NAA16: variants seen among roughly 807,000 people sequenced by gnomAD.
NAA16 encodes N-alpha-acetyltransferase 16, NatA auxiliary subunit, also known as NARG1-like protein.
Under a neutral mutation model 110.3 loss-of-function variants are expected in NAA16, and 97 were observed. The observed-to-expected ratio is 0.88, with a 90% CI of 0.75 to 1.04. NAA16 has a LOEUF of 1.04. Ranked by LOEUF, NAA16 falls within the 50% of genes least tolerant of loss-of-function variation. The pLI is 0.00. For synonymous variants in NAA16, 372 were observed against 330.6 expected (o/e 1.13, Z -1.36); for missense variants, 1,017 against 1,005.1 (o/e 1.01, Z -0.16).
intron 8 of NAA16, among the ~76,000 whole-genome samples, chr13:41,334,395 G>A (rs1463610655): frequency 6.6e-6 from 1 of 152,096 alleles, no homozygotes; most frequent in Non-Finnish European, 1.5e-5. Flanking sequence ...GAGAGGGAAG[G>A]AAATAATCCA....
intron 8 of NAA16, among the ~76,000 whole-genome samples, chr13:41,332,388 G>A (rs1294752999): frequency 6.6e-6 from 1 of 152,074 alleles, no homozygotes; most frequent in African/African-American, 2.4e-5. Flanking sequence ...ATAAATAGGA[G>A]TACTCCGGTA....
intron 8 of NAA16, among the ~76,000 whole-genome samples, chr13:41,332,947 T>A (rs992617873): frequency 6.6e-6 from 1 of 152,166 alleles, no homozygotes; most frequent in Non-Finnish European, 1.5e-5. Flanking sequence ...GTTTTGTTTT[T>A]GTAGAATACA....
chr13:41,350,394 C>T (rs1344500309), intron 9 of NAA16, among the ~76,000 whole-genome samples: 1 of 151,306 alleles, frequency 6.6e-6, no homozygotes, highest in Non-Finnish European at 1.5e-5. Context: ...CCCGGGTTCA[C>T]GCCATTCTCC....
chr13:41,325,894 A>C (rs1315797449), intron 6 of NAA16, 43 bp downstream of exon 6: 2 of 1,490,846 alleles, frequency 1.3e-6, no homozygotes, highest in Non-Finnish European at 9.1e-7. Flanking sequence ...AACAGAAAAC[A>C]AAAAAACTAT....
intron 13 of NAA16, 151 bp from the exon 14 acceptor site, chr13:41,367,288 A>C (rs377075265): frequency 3.4e-5 from 17 of 493,304 alleles, no homozygotes; most frequent in African/African-American, 3.2e-4. Context: ...AATAATTCAT[A>C]TCCTTTATAG....
intron 5 of NAA16, among the ~76,000 whole-genome samples, chr13:41,324,363 C>CTTTT (rs71086562): frequency 2.6e-3 from 175 of 66,110 alleles, no homozygotes; most frequent in Non-Finnish European, 3.2e-3. Context: ...TTCTTTCTTT[C>CTTTT]TTTTTTTTTT....
chr13:41,367,530 T>C lies in NAA16; in HGVS notation c.1631T>C (p.Leu544Ser). 3 of 1,613,370 alleles carry C rather than the reference T, an allele frequency of 1.9e-6. No homozygotes were observed. The highest frequency in any genetic ancestry group is 2.5e-6 in the Non-Finnish European group (3 of 1,179,614). Residue 544 changes from leucine to serine, a missense_variant, in exon 14 of 20, where the codon TTA becomes TCA. Physicochemically the swap from Leu to Ser is moderately radical, Grantham distance 145. Transcript: ENST00000379406. ...TLRAYVDLLR[L>S]EDILRRHAFY... ...CGTGCCTATGTTGACCTTTTGAGATTAGAAGATATACTCAGAAGACATGCC... is the reference window on the plus strand; with the variant it reads ...CGTGCCTATGTTGACCTTTTGAGATCAGAAGATATACTCAGAAGACATGCC...
At chr13:41,369,961 G>A (rs1399175357) in intron 15 of NAA16, among the ~76,000 whole-genome samples, 2 of 152,158 alleles carry the variant, frequency 1.3e-5, no homozygotes, top group Non-Finnish European at 2.9e-5. Context: ...ATTTGTTACA[G>A]CAGCAATACA....
At chr13:41,327,648 T>C (rs2042128038) in intron 6 of NAA16, among the ~76,000 whole-genome samples, 1 of 151,954 alleles carries the variant, frequency 6.6e-6, no homozygotes, top group African/African-American at 2.4e-5. Context: ...CAGATGTTTT[T>C]TGAAATGAAA....
At chr13:41,315,876 C>T (rs369187340) in intron 1 of NAA16, among the ~76,000 whole-genome samples, 1 of 150,930 alleles carries the variant, frequency 6.6e-6, no homozygotes, top group East Asian at 2.0e-4. Context: ...CTCAAGTGAT[C>T]CTCCCACCTC....
chr13:41,345,156 G>A (rs944878818), intron 9 of NAA16, among the ~76,000 whole-genome samples: 1 of 152,174 alleles, frequency 6.6e-6, no homozygotes, highest in Non-Finnish European at 1.5e-5. Flanking sequence ...GAACTTTGGT[G>A]TACAAGTTTT....
intron 15 of NAA16, among the ~76,000 whole-genome samples, chr13:41,370,868 G>A (rs2139516496): frequency 6.6e-6 from 1 of 152,268 alleles, no homozygotes; most frequent in East Asian, 1.9e-4. Flanking sequence ...GAGAACCCCA[G>A]TAGAACATTA....
chr13:41,347,084 CAGGCATCTACACTCCCAGCTGCTCGGG>C (rs2042701167), intron 9 of NAA16, among the ~76,000 whole-genome samples: 1 of 151,926 alleles, frequency 6.6e-6, no homozygotes, highest in Non-Finnish European at 1.5e-5. Context: ...GGCGTGGTGG[CAGGCATCTACACTCCCAGCTGCTCGGG>C]AGGCTGAGGC....
intron 4 of NAA16, among the ~76,000 whole-genome samples, chr13:41,322,242 G>C (rs545697290): frequency 6.6e-6 from 1 of 152,130 alleles, no homozygotes; most frequent in East Asian, 1.9e-4. Flanking sequence ...AGCTGGTGGT[G>C]AAAGTGTGAA....
At position 41,325,737 on chromosome 13, in the gene NAA16, ATAT is replaced by A. The variant is rs764624610; in HGVS notation, c.581_583del (p.Leu194del). The A allele has an allele frequency of 2.5e-6, 4 of 1,599,150 alleles. No homozygotes were observed. The highest frequency in any genetic ancestry group is 2.2e-5 in the East Asian group (1 of 44,580). ...AATAGATTATGAATATAGTGAATTGATATTATACCAGAATCAAGTGATGAGAGA... is the reference window on the plus strand; with the variant it reads ...AATAGATTATGAATATAGTGAATTGATATACCAGAATCAAGTGATGAGAGA... On this transcript the variant is annotated inframe_deletion, in exon 6 of 20. Transcript: ENST00000379406.
chr13:41,365,713 C>T lies in NAA16; in HGVS notation c.1540-1726C>T, dbSNP rs73475130. 3.9e-4 allele frequency among the ~76,000 whole-genome samples: 60 copies of T among 152,214 alleles called. 1 individual carries two copies. Among genetic ancestry groups the T allele is most frequent in the African/African-American group, 1.4e-3 (60 of 41,540 alleles). ...CTGGCAAACTAGGATAAGTTGGTCA[C>T]CCAATTTATGGAAGACATTAACTGG... On this transcript the variant is annotated intron_variant, in intron 13 of 19. Transcript: ENST00000379406.
chr13:41,320,822 C>G lies in NAA16; in HGVS notation c.400C>G (p.Arg134Gly). Reference protein sequence around the residue: ...QIQMRDLEGYRETRYQLLQLR... With the variant: ...QIQMRDLEGYGETRYQLLQLR... ...CCAAATGAGAGACCTTGAAGGTTAC[C>G]GAGTAAGTACTTCATTCTTAAATGT... Residue 134 changes from arginine (R) to glycine (G), a missense_variant and splice_region_variant, in exon 4 of 20, where the codon CGA becomes GGA. Physicochemically the swap from Arg to Gly is moderately radical, Grantham distance 125. Transcript: ENST00000379406. 6.3e-7 allele frequency: 1 copy of G among 1,589,494 alleles called. No homozygotes were observed.
At chr13:41,367,348 T>C (rs974984142) in intron 13 of NAA16, 91 bp from the exon 14 acceptor site, 2 of 840,390 alleles carry the variant, frequency 2.4e-6, no homozygotes, top group Admixed American at 2.8e-5. Flanking sequence ...CTGTTTAAAT[T>C]GTTTTTTGGG....
In NAA16 at chr13:41,311,352, C is replaced by A. The variant is rs1297594442; in HGVS notation, c.-177C>A. On this transcript the variant is annotated 5_prime_UTR_variant, in exon 1 of 20. Coordinates refer to ENST00000379406, the MANE Select transcript of NAA16 (RefSeq NM_024561.5). ...GTCCTGCTCAGACCGCCTTCCTTCTCCATTGCCACCCGTGCCGAACAGCCA... is the reference window on the plus strand; with the variant it reads ...GTCCTGCTCAGACCGCCTTCCTTCTACATTGCCACCCGTGCCGAACAGCCA... 3.3e-6 allele frequency: 2 copies of A among 613,438 alleles called. No individual in the cohort carries two copies. Among genetic ancestry groups the A allele is most frequent in the East Asian group, 6.0e-5 (2 of 33,568 alleles). The allele number at this position is 613,438 out of a possible 1,614,324, so 38.0% of individuals were successfully genotyped here.
Sources: gnomAD v4.1 joint callset for allele counts (sites outside exome capture counted in the v4.1 genomes callset) on GRCh38, gnomAD v4.1.1 for gene constraint, MANE v1.5 for transcripts, NCBI Gene and HGNC (gene_info 2026-07-23, HGNC 2026-07-21) for gene names.